The following MYDGF variants were observed in gnomAD, a reference collection of about 807,000 sequenced individuals.
MYDGF encodes myeloid-derived growth factor.
Under a neutral mutation model 24.2 loss-of-function variants are expected in MYDGF, and 29 were observed. The observed-to-expected ratio is 1.20, with a 90% CI of 0.89 to 1.63. The LOEUF is 1.63. Among genes scored for constraint, MYDGF ranks in the 40% most tolerant of loss-of-function variants. MYDGF has a pLI of 0.00. For synonymous variants in MYDGF, 105 were observed against 102.5 expected, an observed-to-expected ratio of 1.02 and a Z score of -0.15; for missense variants, 245 against 234.8, an observed-to-expected ratio of 1.04 and a Z score of -0.29.
chr19:4,665,285 C>T (rs906710970), intron 2 of MYDGF, among the ~76,000 whole-genome samples: 20 of 152,320 alleles, frequency 1.3e-4, no homozygotes, highest in Admixed American at 1.0e-3. Flanking sequence ...TGCAGTGGCA[C>T]GATCTCGCCT....
chr19:4,669,572 C>A (rs1387085559), intron 1 of MYDGF, among the ~76,000 whole-genome samples: 3 of 152,146 alleles, frequency 2.0e-5, no homozygotes, highest in African/African-American at 7.2e-5. Flanking sequence ...GAGCCGAGAT[C>A]CCGCCACTGC....
chr19:4,668,844 G>T, intron 1 of MYDGF, 199 bp from the exon 2 acceptor site: 2 of 466,022 alleles, frequency 4.3e-6, no homozygotes, highest in Non-Finnish European at 3.9e-6. Context: ...CACCACACCC[G>T]ACTAATTTTT....
chr19:4,668,012 C>T (rs2088534037), intron 2 of MYDGF, among the ~76,000 whole-genome samples: 1 of 152,216 alleles, frequency 6.6e-6, no homozygotes, highest in South Asian at 2.1e-4. Flanking sequence ...ACTGCAACCT[C>T]CGTCTCCTGG....
In MYDGF at chr19:4,670,225, G is replaced by A; in HGVS notation, c.110C>T (p.Thr37Met). The change falls in exon 1 of 6, where the codon ACG becomes ATG. Residue 37 changes from threonine (T) to methionine (M), a missense_variant. By Grantham distance (81) the Thr-to-Met change is moderately conservative (BLOSUM62 -1). Coordinates refer to ENST00000262947, the MANE Select transcript of MYDGF (RefSeq NM_019107.4). ...GCCGGGCCGCACGTCAAACGCCACC[G>A]TCGTGGGCTCGGACACCGCCTCCGC... ...RPAEAVSEPT[T>M]VAFDVRPGGV... 2.6e-6 allele frequency: 4 copies of A among 1,558,034 alleles called. No homozygotes were observed. Among genetic ancestry groups the A allele is most frequent in the Non-Finnish European group, 3.5e-6 (4 of 1,155,140 alleles).
intron 1 of MYDGF, among the ~76,000 whole-genome samples, chr19:4,669,804 G>A (rs2088550218): frequency 6.6e-6 from 1 of 152,078 alleles, no homozygotes; most frequent in Non-Finnish European, 1.5e-5. Flanking sequence ...GCCCAGGAGG[G>A]CAGATGCCCT....
At chr19:4,664,408 T>C (rs2088504220) in intron 3 of MYDGF, among the ~76,000 whole-genome samples, 1 of 150,726 alleles carries the variant, frequency 6.6e-6, no homozygotes, top group African/African-American at 2.4e-5. Context: ...GAGAATCGCT[T>C]GAACCCAGGA....
At chr19:4,662,452 C>T (rs1453719590) in intron 3 of MYDGF, among the ~76,000 whole-genome samples, 1 of 152,198 alleles carries the variant, frequency 6.6e-6, no homozygotes, top group Non-Finnish European at 1.5e-5. Context: ...GCTTCCTTCC[C>T]TTCATGACCT....
At chr19:4,664,791 T>G in intron 3 of MYDGF, 85 bp downstream of exon 3, 2 of 1,473,416 alleles carry the variant, frequency 1.4e-6, no homozygotes, top group Non-Finnish European at 1.9e-6. Context: ...GGTGCAGCCC[T>G]CGTTCCCTGC....
Position 4,659,198 on chromosome 19 carries a change from C to T in MYDGF, c.442+733G>A, listed in dbSNP as rs550494430. Among the ~76,000 whole-genome samples, 9 of 152,206 alleles carry T rather than the reference C, an allele frequency of 5.9e-5. No individual in the cohort carries two copies. In the East Asian group the frequency reaches 1.7e-3, roughly 29 times the overall value. ...TCAAATAATCCTCCCACCTCAGCCT[C>T]CTAAGTAGCTGAGACTACAGGTACA... On this transcript the variant is annotated intron_variant, in intron 5 of 5. Transcript: ENST00000262947.
intron 3 of MYDGF, among the ~76,000 whole-genome samples, chr19:4,661,288 C>T (rs2088469063): frequency 1.3e-5 from 2 of 152,258 alleles, no homozygotes; most frequent in South Asian, 2.1e-4. Flanking sequence ...AATGTTCTTC[C>T]AGCTCATTCA....
chr19:4,659,644 G>C (rs2088453774), intron 5 of MYDGF: 1 of 502,308 alleles, frequency 2.0e-6, no homozygotes, highest in African/African-American at 1.9e-5. Context: ...TAACAGGCAT[G>C]AGCCACCGCG....
intron 1 of MYDGF, 38 bp from the exon 2 acceptor site, chr19:4,668,683 A>T: frequency 6.3e-7 from 1 of 1,577,136 alleles, no homozygotes. Context: ...TGGTAGAAGG[A>T]AATTTTTATT....
intron 3 of MYDGF, among the ~76,000 whole-genome samples, chr19:4,663,443 TAC>T (rs1343209519): frequency 4.8e-4 from 54 of 113,160 alleles, no homozygotes; most frequent in African/African-American, 1.0e-3. Context: ...ATCCTCATTC[TAC>T]ACAGCCTCCA....
intron 1 of MYDGF, among the ~76,000 whole-genome samples, chr19:4,669,836 C>T (rs1048353133): frequency 5.9e-5 from 9 of 152,156 alleles, no homozygotes; most frequent in Non-Finnish European, 1.2e-4. Context: ...CCGCTCCCAT[C>T]ACTGACCCCT....
Position 4,668,609 on chromosome 19 carries a change from C to G in MYDGF, c.211G>C (p.Gly71Arg). 1 of 1,613,110 alleles carries G rather than the reference C, an allele frequency of 6.2e-7. No homozygotes were observed. ...YTCMFTYASQ[G>R]GTNEQWQMSL... ...GAACAACTCACCTCATTGGTCCCTC[C>G]TTGAGAGGCGTAAGTGAACATACAC... The change falls in exon 2 of 6, where the codon GGA becomes CGA. Residue 71 changes from glycine (G) to arginine (R), a missense_variant. Coordinates refer to ENST00000262947, the MANE Select transcript of MYDGF (RefSeq NM_019107.4).
intron 2 of MYDGF, among the ~76,000 whole-genome samples, chr19:4,665,547 C>T (rs1303806397): frequency 6.6e-6 from 1 of 151,834 alleles, no homozygotes; most frequent in African/African-American, 2.4e-5. Flanking sequence ...CCAGGCCGGG[C>T]GCGGTGGCTC....
chr19:4,670,208 G>C lies in MYDGF; in HGVS notation c.127C>G (p.Arg43Gly), dbSNP rs1332158983. 6.4e-7 allele frequency: 1 copy of C among 1,560,506 alleles called. No individual in the cohort carries two copies. Among genetic ancestry groups the C allele is most frequent in the Admixed American group, 1.9e-5 (1 of 52,886 alleles). The change falls in exon 1 of 6, where the codon CGG (arginine) becomes GGG (glycine). Residue 43 changes from arginine (R) to glycine (G), a missense_variant. Arg to Gly is a moderately radical substitution (Grantham distance 125). Transcript: ENST00000262947. ...AAGGAATGCACGACGCCGCCGGGCC[G>C]CACGTCAAACGCCACCGTCGTGGGC... ...SEPTTVAFDV[R>G]PGGVVHSFSH...
intron 2 of MYDGF, among the ~76,000 whole-genome samples, 164 bp from the exon 3 acceptor site, chr19:4,665,101 C>T (rs569099696): frequency 7.9e-5 from 12 of 152,236 alleles, no homozygotes; most frequent in Non-Finnish European, 1.8e-4. Flanking sequence ...CTGGGGTTTG[C>T]TGTCATCTGT....
intron 4 of MYDGF, 117 bp downstream of exon 4, chr19:4,660,552 G>T (rs2088461596): frequency 1.0e-6 from 1 of 966,188 alleles, no homozygotes; most frequent in African/African-American, 1.6e-5. Flanking sequence ...ACCTCTGCAG[G>T]ATTCGCTGTC....
Sources: allele counts gnomAD v4.1 joint callset (sites outside exome capture counted in the v4.1 genomes callset), GRCh38; gene constraint gnomAD v4.1.1; transcripts MANE v1.5; gene names NCBI Gene and HGNC (gene_info 2026-07-23, HGNC 2026-07-21).